GTF2I: variants seen among roughly 807,000 people sequenced by gnomAD.
The protein encoded by GTF2I is general transcription factor II-I.
Under a neutral mutation model 67.6 loss-of-function variants are expected in GTF2I, and 12 were observed. The ratio of observed to expected loss-of-function variants is 0.18; its 90% CI spans 0.11 to 0.29. The LOEUF is 0.29. Among genes scored for constraint, GTF2I ranks in the 10% least tolerant of loss-of-function variants. The pLI is 1.00. For synonymous variants in GTF2I, 149 were observed against 197.0 expected, an observed-to-expected ratio of 0.76 and a Z score of 2.04; for missense variants, 271 against 580.1, an observed-to-expected ratio of 0.47 and a Z score of 5.47.
At chr7:74,706,231 T>G (rs587631787) in intron 7 of GTF2I, among the ~76,000 whole-genome samples, 159 bp from the exon 8 acceptor site, 1 of 152,364 alleles carries the variant, frequency 6.6e-6, no homozygotes, top group East Asian at 1.9e-4. Context: ...TAACTCTTAT[T>G]TATGCAATAA....
At chr7:74,659,717 T>C (rs940582731) in intron 1 of GTF2I, among the ~76,000 whole-genome samples, 1 of 151,528 alleles carries the variant, frequency 6.6e-6, no homozygotes, top group African/African-American at 2.4e-5. Flanking sequence ...TAATTTAAAA[T>C]TTTTTTTTAG....
chr7:74,695,906 T>C (rs1323124365), intron 3 of GTF2I, among the ~76,000 whole-genome samples: 1 of 152,150 alleles, frequency 6.6e-6, no homozygotes, highest in Non-Finnish European at 1.5e-5. Flanking sequence ...GGTTCTCCAC[T>C]GGTTAGAACT....
chr7:74,719,195 A>G (rs1792626047), intron 12 of GTF2I, among the ~76,000 whole-genome samples: 1 of 152,174 alleles, frequency 6.6e-6, no homozygotes, highest in African/African-American at 2.4e-5. Flanking sequence ...TTGAAAAGAG[A>G]AAAAGAAAAT....
In GTF2I at chr7:74,658,005, G is replaced by A. The variant is rs1804066524; in HGVS notation, c.-69G>A. On this transcript the variant is annotated 5_prime_UTR_variant, in exon 1 of 35. Transcript: ENST00000573035. Reference sequence around the variant, plus strand: ...TCCGCGGCGGCCGCAGCCCGCGCGCGGCCCACACTCGCCTCCCCTCGGCAC... The same window carrying A: ...TCCGCGGCGGCCGCAGCCCGCGCGCAGCCCACACTCGCCTCCCCTCGGCAC... 6.6e-6 allele frequency: 1 copy of A among 151,740 alleles called. No individual in the cohort carries two copies. Among genetic ancestry groups the A allele is most frequent in the Admixed American group, 6.6e-5 (1 of 15,220 alleles). 9.4% of individuals were successfully genotyped at this position (151,740 alleles called of 1,614,324 possible).
chr7:74,732,364 A>G, intron 14 of GTF2I, 115 bp from the exon 15 acceptor site: 2 of 1,208,164 alleles, frequency 1.7e-6, no homozygotes, highest in Non-Finnish European at 2.2e-6. Flanking sequence ...ACACAGCAAG[A>G]CTCCATCTCA....
intron 9 of GTF2I, among the ~76,000 whole-genome samples, chr7:74,713,480 GA>G (rs1252754317): frequency 3.9e-5 from 6 of 152,048 alleles, no homozygotes; most frequent in African/African-American, 1.4e-4. Context: ...GCTAACTATA[GA>G]AAACTGTGTA....
chr7:74,698,094 C>G (rs917555915), intron 3 of GTF2I, among the ~76,000 whole-genome samples: 2 of 152,090 alleles, frequency 1.3e-5, no homozygotes, highest in Admixed American at 6.6e-5. Context: ...TAGCTGGGAC[C>G]ACAGGCGCCC....
At chr7:74,702,972 A>G (rs1790028685) in intron 6 of GTF2I, among the ~76,000 whole-genome samples, 1 of 151,996 alleles carries the variant, frequency 6.6e-6, no homozygotes, top group South Asian at 2.1e-4. Context: ...CCTGAGCTCA[A>G]GTGATCCGCC....
rs1161320476 is a variant in GTF2I at position 74,662,511 on chromosome 7, C to CTTTTTTT, written c.-6+4466_-6+4472dup. On this transcript the variant is annotated intron_variant, in intron 1 of 34. Transcript: ENST00000573035. ...AGGCGTGAGCCACTGCACCTGGACC[C>CTTTTTTT]TTTTTTTTTTTTTTTTTTTTTTTTT... Among the ~76,000 whole-genome samples the CTTTTTTT allele has an allele frequency of 6.1e-3, 304 of 50,214 alleles. 56 individuals carry two copies. The highest frequency in any genetic ancestry group is 0.033 in the Middle Eastern group (1 of 30). The allele number at this position is 50,214 out of a possible 152,430, so 32.9% of individuals were successfully genotyped here.
intron 1 of GTF2I, among the ~76,000 whole-genome samples, chr7:74,671,079 CTTTTTT>C (rs869137920): frequency 5.3e-4 from 33 of 61,808 alleles, no homozygotes; most frequent in African/African-American, 2.3e-3. Context: ...TGGGCAGATC[CTTTTTT>C]TTTTTTTTTT....
At position 74,699,007 on chromosome 7, in the gene GTF2I, T is replaced by C. The variant is rs782585870; in HGVS notation, c.285T>C (p.Ser95=). The change falls in exon 4 of 35, where the codon TCT becomes TCC. Residue 95 remains serine, a synonymous_variant. Coordinates refer to ENST00000573035, the MANE Select transcript of GTF2I (RefSeq NM_032999.4). ...CTGCAGAGATGCATAAAATGAAATC[T>C]ACAACCCAGGCAAATCGGATGAGTG... The part of the protein sequence containing the change: ...EKAAEMHKMK[S]TTQANRMSVD... The C allele has an allele frequency of 3.9e-6, 6 of 1,534,078 alleles. No individual in the cohort carries two copies. Among genetic ancestry groups the C allele is most frequent in the Admixed American group, 3.7e-5 (2 of 54,272 alleles).
chr7:74,683,655 C>T (rs587685276), intron 1 of GTF2I, among the ~76,000 whole-genome samples: 1 of 152,250 alleles, frequency 6.6e-6, no homozygotes, highest in Admixed American at 6.5e-5. Context: ...GAGCTCAAGA[C>T]CAGCCTGCCC....
chr7:74,697,584 A>T (rs1789060061), intron 3 of GTF2I, among the ~76,000 whole-genome samples: 1 of 152,136 alleles, frequency 6.6e-6, no homozygotes. Flanking sequence ...TAATCTTCTC[A>T]TATTTAAATT....
At chr7:74,702,259 C>T (rs1412561702) in intron 6 of GTF2I, among the ~76,000 whole-genome samples, 3 of 150,880 alleles carry the variant, frequency 2.0e-5, no homozygotes, top group East Asian at 3.9e-4. Flanking sequence ...GACGGAGTCT[C>T]GTTCTGTCAC....
intron 8 of GTF2I, among the ~76,000 whole-genome samples, chr7:74,707,995 GAA>G (rs1465734248): frequency 7.4e-4 from 112 of 152,116 alleles, no homozygotes; most frequent in African/African-American, 2.7e-3. Context: ...TTGGAACAGA[GAA>G]AATTTAATGT....
chr7:74,718,867 A>G lies in GTF2I; in HGVS notation c.881-12A>G. On this transcript the variant is annotated splice_polypyrimidine_tract_variant and intron_variant, in intron 11 of 34. Coordinates refer to ENST00000573035, the MANE Select transcript of GTF2I (RefSeq NM_032999.4). ...ATAATGAATGTCATTTTAGAATTTT[A>G]TTTTTTTCAAGATTCTACTCAACAT... is the stretch of plus-strand genomic sequence containing the variant. 1 of 1,439,354 alleles carries G rather than the reference A, an allele frequency of 6.9e-7. No homozygotes were observed. Among genetic ancestry groups the G allele is most frequent in the Non-Finnish European group, 9.6e-7 (1 of 1,044,798 alleles). The allele number at this position is 1,439,354 out of a possible 1,614,324, so 89.2% of individuals were successfully genotyped here. A position where few individuals can be genotyped will look rare whatever the true frequency, so the allele number is the denominator to read the frequency against.
chr7:74,677,822 C>G (rs1180426861), intron 1 of GTF2I, among the ~76,000 whole-genome samples: 1 of 148,716 alleles, frequency 6.7e-6, no homozygotes, highest in African/African-American at 2.5e-5. Flanking sequence ...ACAGTTTTTC[C>G]TCTTATACAA....
intron 10 of GTF2I, 133 bp downstream of exon 10, chr7:74,715,049 C>T: frequency 2.0e-6 from 1 of 503,492 alleles, no homozygotes. Flanking sequence ...AATGTATTGG[C>T]CTTTTTTTAA....
chr7:74,720,675 T>C (rs1451413039), intron 12 of GTF2I, among the ~76,000 whole-genome samples: 1 of 151,362 alleles, frequency 6.6e-6, no homozygotes, highest in Non-Finnish European at 1.5e-5. Context: ...ATTATAAAAA[T>C]AAAGCTTTTA....
Sources: gnomAD v4.1 joint callset for allele counts (sites outside exome capture counted in the v4.1 genomes callset) on GRCh38, gnomAD v4.1.1 for gene constraint, MANE v1.5 for transcripts, NCBI Gene and HGNC (gene_info 2026-07-23, HGNC 2026-07-21) for gene names.